The following POPDC2 variants were observed in gnomAD, a reference collection of about 807,000 sequenced individuals.
POPDC2 encodes the protein popeye domain-containing protein 2.
A neutral mutation model predicts 30.5 loss-of-function variants in POPDC2; 24 were observed. The observed-to-expected ratio is 0.79, with a 90% confidence interval of 0.57 to 1.11. The LOEUF (loss-of-function observed/expected upper bound fraction) is 1.11, where lower values mean the gene tolerates loss of function less well. Ranked by LOEUF, POPDC2 falls within the 50% of genes least tolerant of loss-of-function variation. The probability of loss-of-function intolerance (pLI) is 0.00; values close to 1 mark genes in which losing one functional copy is unlikely to be tolerated. For missense variants in POPDC2, 409 were observed against 447.0 expected (o/e 0.91, Z 0.77); for synonymous variants, 185 against 183.3 (o/e 1.01, Z -0.07).
Position 119,648,448 on chromosome 3 carries a change from G to A in POPDC2, c.821C>T (p.Thr274Ile). The A allele has an allele frequency of 2.5e-6, 4 of 1,614,206 alleles. No individual in the cohort carries two copies. The highest frequency in any genetic ancestry group is 3.4e-6 in the Non-Finnish European group (4 of 1,180,044). ...LPSLYHVLGP[T>I]AADAGPESEK... ...GGACTCTGGTCCAGCATCTGCAGCA[G>A]TGGGACCCAGGACATGGTAGAGGCT... Residue 274 changes from threonine (T) to isoleucine (I), a missense_variant, in exon 3 of 4, where the codon ACT becomes ATT. Physicochemically the swap from Thr to Ile is moderately conservative, Grantham distance 89 (BLOSUM62 -1). Transcript: ENST00000493094.
chr3:119,650,504 T>G (rs1207278682), intron 2 of POPDC2, among the ~76,000 whole-genome samples: 4 of 152,200 alleles, frequency 2.6e-5, no homozygotes, highest in African/African-American at 9.7e-5. Context: ...GATGGTCAGT[T>G]TTCATGGCAT....
chr3:119,642,607 CAGT>C, intron 3 of POPDC2, 46 bp from the exon 4 acceptor site: 1 of 1,316,626 alleles, frequency 7.6e-7, no homozygotes, highest in Non-Finnish European at 1.1e-6. Flanking sequence ...TGTCTCTGGA[CAGT>C]TTGTCTAACT....
intron 1 of POPDC2, among the ~76,000 whole-genome samples, chr3:119,655,486 C>T (rs2052868919): frequency 6.6e-6 from 1 of 152,168 alleles, no homozygotes; most frequent in African/African-American, 2.4e-5. Context: ...AGATCTAGAA[C>T]GTTTCTGTCA....
At chr3:119,650,667 G>T (rs528127810) in intron 2 of POPDC2, among the ~76,000 whole-genome samples, 2 of 152,138 alleles carry the variant, frequency 1.3e-5, no homozygotes, top group Admixed American at 6.5e-5. Context: ...GTATCCCAGG[G>T]CTCCGCTCTT....
At position 119,642,568 on chromosome 3, in the gene POPDC2, A is replaced by G. The variant is rs1985724; in HGVS notation, c.*44-7T>C. 0.096 allele frequency: 153,136 copies of G among 1,589,140 alleles called. 8,373 individuals are homozygous for G. Among genetic ancestry groups the G allele is most frequent in the East Asian group, 0.2 (8,988 of 44,718 alleles). On this transcript the variant is annotated splice_polypyrimidine_tract_variant and splice_region_variant and intron_variant, in intron 3 of 3. Transcript: ENST00000493094. ...TGGAGAGGAATTCTAGAAGCTGTGG[A>G]AAGAAAAAGAGGGAGGATTTTAGCA... is the stretch of plus-strand genomic sequence containing the variant.
rs200260660 is a variant in POPDC2, at chr3:119,648,296, G to A, written c.973C>T (p.Arg325Trp). Residue 325 changes from arginine (R) to tryptophan (W), a missense_variant, in exon 3 of 4, where the codon CGG (arginine) becomes TGG (tryptophan). By Grantham distance (101) the Arg-to-Trp change is moderately radical. Transcript: ENST00000493094. ...ATTNFPAPPT[R>W]ARLSRPDSGI... Reference sequence around the variant, plus strand: ...CTGTCTGGCCTGGACAACCTGGCCCGGGTAGGAGGTGCAGGAAAGTTGGTG... The same window carrying A: ...CTGTCTGGCCTGGACAACCTGGCCCAGGTAGGAGGTGCAGGAAAGTTGGTG... 4.2e-5 allele frequency: 67 copies of A among 1,614,078 alleles called. No individual in the cohort carries two copies. The highest frequency in any genetic ancestry group is 1.8e-4 in the East Asian group (8 of 44,882).
chr3:119,652,489 G>A (rs747775098), intron 2 of POPDC2, among the ~76,000 whole-genome samples: 2 of 152,170 alleles, frequency 1.3e-5, no homozygotes, highest in African/African-American at 4.8e-5. Context: ...GGAGGTACAC[G>A]CTAAAAATAT....
intron 3 of POPDC2, among the ~76,000 whole-genome samples, chr3:119,643,752 C>T (rs1235847316): frequency 3.3e-5 from 5 of 152,158 alleles, no homozygotes; most frequent in Non-Finnish European, 7.3e-5. Flanking sequence ...GCATCCTTTT[C>T]CCAGAGCATG....
chr3:119,652,058 CTTTTT>C, intron 2 of POPDC2, among the ~76,000 whole-genome samples: 1 of 150,982 alleles, frequency 6.6e-6, no homozygotes, highest in East Asian at 1.9e-4. Flanking sequence ...AAGTATTTAG[CTTTTT>C]TTTTAATACT....
chr3:119,660,279 C>T lies in POPDC2; in HGVS notation c.145G>A (p.Gly49Arg). 6.2e-7 allele frequency: 1 copy of T among 1,614,182 alleles called. No homozygotes were observed. The highest frequency in any genetic ancestry group is 8.5e-7 in the Non-Finnish European group (1 of 1,180,026). Reference protein sequence around the residue: ...LGFMGGSGVYGCFYLFGFLSA... With the variant: ...LGFMGGSGVYRCFYLFGFLSA... The stretch of plus-strand genomic sequence containing the variant: ...AGGAAGCCAAAAAGATAGAAGCATC[C>T]ATACACCCCACTGCCCCCCATGAAG... Residue 49 changes from glycine (G) to arginine (R), a missense_variant, in exon 1 of 4, where the codon GGA (glycine) becomes AGA (arginine). Gly to Arg is a moderately radical substitution (Grantham distance 125, BLOSUM62 -2). Coordinates refer to ENST00000493094, the MANE Select transcript of POPDC2 (RefSeq NM_001369919.2).
chr3:119,643,364 T>C (rs1299177981), intron 3 of POPDC2: 2 of 1,533,378 alleles, frequency 1.3e-6, no homozygotes, highest in Non-Finnish European at 1.7e-6. Flanking sequence ...CTTTTTGCTG[T>C]ACCTTTTGTT....
rs773440080 is a variant in POPDC2 at position 119,648,569 on chromosome 3, A to C, written c.700T>G (p.Ser234Ala). Residue 234 changes from serine to alanine, a missense_variant, in exon 3 of 4, where the codon TCG (serine) becomes GCG (alanine). Coordinates refer to ENST00000493094, the MANE Select transcript of POPDC2 (RefSeq NM_001369919.2). ...TKERYISCLF[S>A]ALLGYDISEK... ...GAGATGTCATATCCCAGCAGAGCCGAGAAGAGGCAGGAGATGTATCGCTCT... is the reference window on the plus strand; with the variant it reads ...GAGATGTCATATCCCAGCAGAGCCGCGAAGAGGCAGGAGATGTATCGCTCT... The C allele has an allele frequency of 6.2e-7, 1 of 1,614,020 alleles. No individual in the cohort carries two copies. The highest frequency in any genetic ancestry group is 1.3e-5 in the African/African-American group (1 of 74,880).
chr3:119,653,479 CTT>C (rs762463587), intron 2 of POPDC2, among the ~76,000 whole-genome samples: 31 of 139,902 alleles, frequency 2.2e-4, no homozygotes, highest in Non-Finnish European at 2.5e-4. Flanking sequence ...TTCAGCAATT[CTT>C]TTTTTTTTTT....
At chr3:119,644,552 C>T (rs1172563863) in intron 3 of POPDC2, among the ~76,000 whole-genome samples, 1 of 152,176 alleles carries the variant, frequency 6.6e-6, no homozygotes, top group East Asian at 1.9e-4. Context: ...TGGGTACCAC[C>T]AGACTAAAAA....
At chr3:119,656,393 A>G (rs1487328877) in intron 1 of POPDC2, among the ~76,000 whole-genome samples, 1 of 152,146 alleles carries the variant, frequency 6.6e-6, no homozygotes, top group African/African-American at 2.4e-5. Context: ...CTTAAGTCTT[A>G]AGTCTTAAGT....
intron 2 of POPDC2, among the ~76,000 whole-genome samples, chr3:119,652,788 G>T (rs987719769): frequency 6.6e-6 from 1 of 152,218 alleles, no homozygotes; most frequent in Admixed American, 6.5e-5. Flanking sequence ...TCTGTGGCTG[G>T]TGACCCTGGC....
At chr3:119,649,076 C>A (rs2052781569) in intron 2 of POPDC2, among the ~76,000 whole-genome samples, 1 of 152,092 alleles carries the variant, frequency 6.6e-6, no homozygotes, top group Non-Finnish European at 1.5e-5. Context: ...GACAACTATT[C>A]ATTTTAAGAA....
chr3:119,645,761 C>A (rs2052739301), intron 3 of POPDC2, among the ~76,000 whole-genome samples: 1 of 152,110 alleles, frequency 6.6e-6, no homozygotes, highest in African/African-American at 2.4e-5. Flanking sequence ...ACAGAGAGTT[C>A]TTGCTGAAAG....
chr3:119,652,435 T>G (rs1411056244), intron 2 of POPDC2, among the ~76,000 whole-genome samples: 1 of 152,210 alleles, frequency 6.6e-6, no homozygotes, highest in African/African-American at 2.4e-5. Flanking sequence ...GAAATGGGAC[T>G]TTACACAGCC....
Sources: allele counts gnomAD v4.1 joint callset (sites outside exome capture counted in the v4.1 genomes callset), GRCh38; gene constraint gnomAD v4.1.1; transcripts MANE v1.5; gene names NCBI Gene and HGNC (gene_info 2026-07-23, HGNC 2026-07-21).